The following CLOCK variants were observed in gnomAD, a reference collection of about 807,000 sequenced individuals.
The protein encoded by CLOCK is clock circadian regulator, also known as circadian locomoter output cycles protein kaput.
Under a neutral mutation model 118.4 loss-of-function variants are expected in CLOCK, and 43 were observed. The observed-to-expected ratio is 0.36, with a 90% CI of 0.28 to 0.47. CLOCK has a LOEUF of 0.47. Among genes scored for constraint, CLOCK ranks in the 20% least tolerant of loss-of-function variants. The pLI is 1.00. For synonymous variants in CLOCK, 326 were observed against 339.2 expected (o/e 0.96, Z 0.43); for missense variants, 846 against 999.9 (o/e 0.85, Z 2.08).
chr4:55,519,802 A>AT (rs1192996218), intron 1 of CLOCK, among the ~76,000 whole-genome samples: 1 of 152,090 alleles, frequency 6.6e-6, no homozygotes, highest in African/African-American at 2.4e-5. Flanking sequence ...AAAAATAAAA[A>AT]TAAATAAACA....
At chr4:55,449,999 A>T in intron 16 of CLOCK, 92 bp downstream of exon 16, 1 of 1,446,170 alleles carries the variant, frequency 6.9e-7, no homozygotes, top group Non-Finnish European at 9.6e-7. Flanking sequence ...TTATAATTTT[A>T]AAGAAGCGTT....
chr4:55,460,088 A>G (rs990634290), intron 9 of CLOCK, among the ~76,000 whole-genome samples: 2 of 152,076 alleles, frequency 1.3e-5, no homozygotes, highest in African/African-American at 4.8e-5. Flanking sequence ...CATTTCCCTT[A>G]ACTTCACACA....
intron 2 of CLOCK, among the ~76,000 whole-genome samples, chr4:55,490,905 C>T (rs748284276): frequency 6.6e-6 from 1 of 152,062 alleles, no homozygotes; most frequent in Non-Finnish European, 1.5e-5. Flanking sequence ...TTCTCAAGTA[C>T]ACAGAGAACG....
chr4:55,534,699 G>C (rs1377737296), intron 1 of CLOCK, among the ~76,000 whole-genome samples: 2 of 152,118 alleles, frequency 1.3e-5, no homozygotes, highest in African/African-American at 4.8e-5. Flanking sequence ...GCACAGAACA[G>C]AATGCTCAAT....
At chr4:55,466,556 A>G (rs1725751820) in intron 8 of CLOCK, among the ~76,000 whole-genome samples, 2 of 152,178 alleles carry the variant, frequency 1.3e-5, no homozygotes, top group Admixed American at 1.3e-4. Context: ...TTCTACTACT[A>G]TTTGGTAAAT....
At chr4:55,486,447 C>T (rs1727301874) in intron 3 of CLOCK, 2 of 152,140 alleles carry the variant, frequency 1.3e-5, no homozygotes, top group African/African-American at 4.8e-5. Context: ...TGGTGATTCC[C>T]TGGGTCTCTA....
chr4:55,534,867 A>C (rs1475026371), intron 1 of CLOCK, among the ~76,000 whole-genome samples: 1 of 152,112 alleles, frequency 6.6e-6, no homozygotes, highest in Non-Finnish European at 1.5e-5. Context: ...TCTTTAAATT[A>C]ATCTATAGAG....
chr4:55,527,981 A>C (rs1730313077), intron 1 of CLOCK, among the ~76,000 whole-genome samples: 1 of 151,892 alleles, frequency 6.6e-6, no homozygotes, highest in Admixed American at 6.6e-5. Flanking sequence ...GCAGTGAGCT[A>C]TAATTGGGCT....
intron 5 of CLOCK, 130 bp from the exon 6 acceptor site, chr4:55,479,093 G>T: frequency 1.4e-6 from 1 of 733,134 alleles, no homozygotes; most frequent in Non-Finnish European, 2.1e-6. Context: ...TATCTTCCAG[G>T]TTACCAATAT....
In CLOCK at chr4:55,438,555, G is replaced by A. The variant is rs757673606; in HGVS notation, c.2106-18C>T. 2 of 1,612,328 alleles carry A rather than the reference G, an allele frequency of 1.2e-6. No individual in the cohort carries two copies. Among genetic ancestry groups the A allele is most frequent in the African/African-American group, 2.7e-5 (2 of 74,832 alleles). On this transcript the variant is annotated intron_variant, in intron 21 of 22. Transcript: ENST00000513440. ...GAGAAAATCTGTTAGAAGAAAGAAG[G>A]AAAAAAATTGGAGTCCAAAGTACAA...
intron 21 of CLOCK, among the ~76,000 whole-genome samples, chr4:55,439,123 A>C (rs1242018769): frequency 2.6e-5 from 4 of 152,212 alleles, no homozygotes; most frequent in Admixed American, 1.3e-4. Context: ...CCTTCTGATA[A>C]GGGATTAGTA....
chr4:55,531,437 T>C (rs1730536845), intron 1 of CLOCK, among the ~76,000 whole-genome samples: 1 of 152,092 alleles, frequency 6.6e-6, no homozygotes, highest in South Asian at 2.1e-4. Flanking sequence ...CCAGGCGTGG[T>C]GGCTCATATC....
In CLOCK at chr4:55,433,849, T is replaced by C. The variant is rs1301803783; in HGVS notation, c.*1566A>G. 6.6e-6 allele frequency: 1 copy of C among 152,206 alleles called. No individual in the cohort carries two copies. The highest frequency in any genetic ancestry group is 2.4e-5 in the African/African-American group (1 of 41,456). The allele number at this position is 152,206 out of a possible 1,614,324, so 9.4% of individuals were successfully genotyped here. A position where few individuals can be genotyped will look rare whatever the true frequency, so the allele number is the denominator to read the frequency against. On this transcript the variant is annotated 3_prime_UTR_variant, in exon 23 of 23. Transcript: ENST00000513440. ...GCATGTGAGTTACAATATTCTAATG[T>C]TGTAGTGAAGGCATAGCCAAATCCC... is the stretch of plus-strand genomic sequence containing the variant.
intron 2 of CLOCK, among the ~76,000 whole-genome samples, chr4:55,492,995 T>A (rs1436532942): frequency 6.6e-6 from 1 of 152,188 alleles, no homozygotes; most frequent in African/African-American, 2.4e-5. Context: ...ATGGATGGTG[T>A]TTTTTGTTCT....
At chr4:55,473,688 T>G (rs146764382) in intron 7 of CLOCK, among the ~76,000 whole-genome samples, 1 of 152,214 alleles carries the variant, frequency 6.6e-6, no homozygotes, top group Non-Finnish European at 1.5e-5. Flanking sequence ...AAGTGAAGGT[T>G]TGTAGCAACC....
chr4:55,530,318 T>C (rs572832745), intron 1 of CLOCK, among the ~76,000 whole-genome samples: 2 of 152,226 alleles, frequency 1.3e-5, no homozygotes, highest in South Asian at 4.2e-4. Context: ...CTCAACAGAA[T>C]TGAGCAAAAA....
At chr4:55,537,183 A>G (rs1232570043) in intron 1 of CLOCK, among the ~76,000 whole-genome samples, 4 of 152,204 alleles carry the variant, frequency 2.6e-5, no homozygotes, top group Middle Eastern at 3.2e-3. Context: ...AAATGGAAAC[A>G]TATCAAAAAC....
intron 18 of CLOCK, among the ~76,000 whole-genome samples, chr4:55,447,997 C>G (rs1478666616): frequency 6.6e-6 from 1 of 151,850 alleles, no homozygotes; most frequent in Non-Finnish European, 1.5e-5. Context: ...ATTACTCCCC[C>G]TTTTTTTTGG....
chr4:55,470,958 T>C, intron 7 of CLOCK, 152 bp from the exon 8 acceptor site: 1 of 623,712 alleles, frequency 1.6e-6, no homozygotes, highest in Non-Finnish European at 2.8e-6. Context: ...TTACAATACC[T>C]TGGTATGTAT....
Sources: allele counts gnomAD v4.1 joint callset (sites outside exome capture counted in the v4.1 genomes callset), GRCh38; gene constraint gnomAD v4.1.1; transcripts MANE v1.5; gene names NCBI Gene and HGNC (gene_info 2026-07-23, HGNC 2026-07-21).